GRIK1: variants seen among roughly 807,000 people sequenced by gnomAD.
GRIK1 encodes the protein glutamate ionotropic receptor kainate type subunit 1, also known as glutamate receptor ionotropic, kainate 1.
GRIK1 carries 69 observed loss-of-function variants against 105.7 expected under a neutral mutation model. The ratio of observed to expected loss-of-function variants is 0.65; its 90% CI spans 0.54 to 0.80. The LOEUF is 0.80. Among genes scored for constraint, GRIK1 ranks in the 30% least tolerant of loss-of-function variants. The probability of loss-of-function intolerance (pLI) is 0.00; values close to 1 mark genes in which losing one functional copy is unlikely to be tolerated. For synonymous variants in GRIK1, 438 were observed against 431.3 expected (o/e 1.02, Z -0.19); for missense variants, 1,109 against 1,167.3 (o/e 0.95, Z 0.73).
chr21:29,746,846 C>T (rs2145625907), intron 1 of GRIK1, among the ~76,000 whole-genome samples: 1 of 152,282 alleles, frequency 6.6e-6, no homozygotes, highest in South Asian at 2.1e-4. Flanking sequence ...GTGATTTTTA[C>T]ACACAGAGAA....
At chr21:29,876,984 G>A (rs974572662) in intron 1 of GRIK1, among the ~76,000 whole-genome samples, 4 of 152,048 alleles carry the variant, frequency 2.6e-5, no homozygotes, top group East Asian at 3.8e-4. Context: ...AAAATAAGAG[G>A]CTTAAACACA....
Position 29,601,099 on chromosome 21 carries a change from G to T in GRIK1, c.1099-2162C>A, listed in dbSNP as rs149220110. The T allele has an allele frequency of 1.5e-3, 468 of 317,266 alleles. 3 individuals are homozygous for T. The highest frequency in any genetic ancestry group is 9.3e-3 in the African/African-American group (442 of 47,718). 19.7% of individuals were successfully genotyped at this position (317,266 alleles called of 1,614,324 possible). On this transcript the variant is annotated intron_variant, in intron 7 of 17. Coordinates refer to ENST00000327783, the MANE Select transcript of GRIK1 (RefSeq NM_001330994.2). ...GTGAGGGTGTTTCCAAAAAAGATTA[G>T]CATTTGAAATGGTGGACTGAGCAAG...
At chr21:29,912,784 T>A (rs1569213094) in intron 1 of GRIK1, among the ~76,000 whole-genome samples, 1 of 152,056 alleles carries the variant, frequency 6.6e-6, no homozygotes, top group African/African-American at 2.4e-5. Context: ...GAGATGATGA[T>A]GATGATACAT....
chr21:29,785,334 G>A (rs1370131151), intron 1 of GRIK1, among the ~76,000 whole-genome samples: 4 of 152,088 alleles, frequency 2.6e-5, no homozygotes, highest in Admixed American at 6.5e-5. Context: ...AGGCTGAGGC[G>A]GGTGGTTCAC....
intron 7 of GRIK1, among the ~76,000 whole-genome samples, chr21:29,605,847 T>G (rs545648153): frequency 6.6e-6 from 1 of 152,340 alleles, no homozygotes; most frequent in South Asian, 2.1e-4. Context: ...AGAGACTTCT[T>G]ATTCTTCACT....
At chr21:29,629,184 GAAAGGAGAA>G (rs1568908790) in intron 7 of GRIK1, among the ~76,000 whole-genome samples, 1 of 144,610 alleles carries the variant, frequency 6.9e-6, no homozygotes, top group Non-Finnish European at 1.5e-5. Context: ...GATAAATGAG[GAAAGGAGAA>G]ATGTGTGTGT....
rs570179113 is a variant in GRIK1, at chr21:29,906,179, C to G, written c.118+33204G>C. ...TGTTAGAAAAGGAAAATAATTTCAG[C>G]TCATTTTATATATTTGAGTTTCATT... On this transcript the variant is annotated intron_variant, in intron 1 of 17. Transcript: ENST00000327783. Among the ~76,000 whole-genome samples, 130 of 152,260 alleles carry G rather than the reference C, an allele frequency of 8.5e-4. No individual in the cohort carries two copies. In the Middle Eastern group the frequency reaches 0.017, roughly 20 times the overall value.
intron 3 of GRIK1, among the ~76,000 whole-genome samples, chr21:29,686,117 C>T (rs1376396160): frequency 6.6e-6 from 1 of 152,188 alleles, no homozygotes; most frequent in Non-Finnish European, 1.5e-5. Flanking sequence ...TTCATGGAAT[C>T]TAAGCATAGA....
At chr21:29,935,612 G>C (rs1310034864) in intron 1 of GRIK1, among the ~76,000 whole-genome samples, 1 of 152,008 alleles carries the variant, frequency 6.6e-6, no homozygotes, top group Non-Finnish European at 1.5e-5. Flanking sequence ...AATAAATTTG[G>C]ACCTCTCTCA....
intron 7 of GRIK1, among the ~76,000 whole-genome samples, chr21:29,604,123 G>A (rs2061569694): frequency 6.6e-6 from 1 of 152,080 alleles, no homozygotes; most frequent in African/African-American, 2.4e-5. Context: ...TGTGACTATT[G>A]TGTCCGTTTG....
chr21:29,759,319 A>G (rs1483072952), intron 1 of GRIK1, among the ~76,000 whole-genome samples: 1 of 151,846 alleles, frequency 6.6e-6, no homozygotes, highest in Non-Finnish European at 1.5e-5. Context: ...GGGTTTCACC[A>G]TGTTAGCCAG....
intron 1 of GRIK1, among the ~76,000 whole-genome samples, chr21:29,837,628 G>C (rs529987994): frequency 6.6e-6 from 1 of 152,132 alleles, no homozygotes; most frequent in Non-Finnish European, 1.5e-5. Context: ...CCAAGCTTAT[G>C]AGCATATAGT....
intron 7 of GRIK1, among the ~76,000 whole-genome samples, chr21:29,614,346 T>G (rs1320403650): frequency 6.6e-6 from 1 of 151,864 alleles, no homozygotes; most frequent in African/African-American, 2.4e-5. Flanking sequence ...TTCAGATTCT[T>G]CATAAGAGCA....
chr21:29,630,705 A>T, intron 7 of GRIK1: 1 of 405,146 alleles, frequency 2.5e-6, no homozygotes. Context: ...CAGACTTCTC[A>T]TCTACAGAAA....
chr21:29,863,052 A>G (rs1343721957), intron 1 of GRIK1, among the ~76,000 whole-genome samples: 2 of 152,186 alleles, frequency 1.3e-5, no homozygotes, highest in Non-Finnish European at 2.9e-5. Flanking sequence ...CTGTGTATCT[A>G]TGTGTGTATA....
At chr21:29,849,606 T>A (rs1039417078) in intron 1 of GRIK1, among the ~76,000 whole-genome samples, 1 of 152,216 alleles carries the variant, frequency 6.6e-6, no homozygotes, top group Non-Finnish European at 1.5e-5. Flanking sequence ...AAAGGCCGTT[T>A]GTTTTTAGCA....
intron 1 of GRIK1, among the ~76,000 whole-genome samples, chr21:29,809,025 T>C (rs1384622372): frequency 6.6e-6 from 1 of 152,200 alleles, no homozygotes; most frequent in Non-Finnish European, 1.5e-5. Context: ...AAGTCAAACT[T>C]TTCTTAATTA....
intron 1 of GRIK1, among the ~76,000 whole-genome samples, chr21:29,806,731 T>C (rs2066873852): frequency 6.6e-6 from 1 of 152,128 alleles, no homozygotes; most frequent in South Asian, 2.1e-4. Flanking sequence ...TGAAGATATG[T>C]AACAATAAAC....
At chr21:29,736,137 G>A (rs192398109) in intron 1 of GRIK1, among the ~76,000 whole-genome samples, 72 of 152,236 alleles carry the variant, frequency 4.7e-4, no homozygotes, top group Admixed American at 3.4e-3. Flanking sequence ...TGTGAAGCAG[G>A]CATTGTAGTA....
Sources: allele counts gnomAD v4.1 joint callset (sites outside exome capture counted in the v4.1 genomes callset), GRCh38; gene constraint gnomAD v4.1.1; transcripts MANE v1.5; gene names NCBI Gene and HGNC (gene_info 2026-07-23, HGNC 2026-07-21).